Variants in R3HCC1L observed in about 807,000 individuals in gnomAD.
R3HCC1L encodes the protein coiled-coil domain-containing protein R3HCC1L.
R3HCC1L carries 51 observed loss-of-function variants against 59.9 expected under a neutral mutation model. The ratio of observed to expected loss-of-function variants is 0.85; its 90% CI spans 0.68 to 1.07. The LOEUF is 1.07. Ranked by LOEUF, R3HCC1L falls within the 50% of genes least tolerant of loss-of-function variation. R3HCC1L has a pLI of 0.00. For missense variants in R3HCC1L, 965 were observed against 933.0 expected (o/e 1.03, Z -0.45); for synonymous variants, 322 against 315.2 (o/e 1.02, Z -0.23).
At chr10:98,142,580 A>G (rs1845253112) in intron 1 of R3HCC1L, among the ~76,000 whole-genome samples, 1 of 151,318 alleles carries the variant, frequency 6.6e-6, no homozygotes, top group South Asian at 2.1e-4. Flanking sequence ...GGAGGTTGCA[A>G]TGAGTGGAGA....
chr10:98,207,921 G>T (rs995787104), intron 4 of R3HCC1L, among the ~76,000 whole-genome samples, 180 bp from the exon 5 acceptor site: 1 of 152,160 alleles, frequency 6.6e-6, no homozygotes, highest in African/African-American at 2.4e-5. Context: ...CTACTCAGGA[G>T]GCAGAGGTGG....
At chr10:98,219,216 C>G (rs184303085) in intron 5 of R3HCC1L, among the ~76,000 whole-genome samples, 61 of 152,244 alleles carry the variant, frequency 4.0e-4, no homozygotes, top group African/African-American at 1.4e-3. Context: ...CCAGCCAGGC[C>G]TTTTTAAAGT....
Position 98,163,374 on chromosome 10 carries a change from A to G in R3HCC1L, c.-38A>G. The G allele has an allele frequency of 2.2e-6, 3 of 1,340,682 alleles. No individual in the cohort carries two copies. The highest frequency in any genetic ancestry group is 3.0e-6 in the Non-Finnish European group (3 of 1,013,348). The allele number at this position is 1,340,682 out of a possible 1,614,324, so 83.0% of individuals were successfully genotyped here. A position where few individuals can be genotyped will look rare whatever the true frequency, so the allele number is the denominator to read the frequency against. On this transcript the variant is annotated 5_prime_UTR_variant, in exon 4 of 10. Coordinates refer to ENST00000298999, the MANE Select transcript of R3HCC1L (RefSeq NM_001351015.2). Reference sequence around the variant, plus strand: ...CGGCATGTTGTAGAGTTTTATTACTAAGAAAATAAATGTTACTTACATGGT... The same window carrying G: ...CGGCATGTTGTAGAGTTTTATTACTGAGAAAATAAATGTTACTTACATGGT...
intron 1 of R3HCC1L, among the ~76,000 whole-genome samples, chr10:98,148,056 C>T (rs1304451443): frequency 6.6e-6 from 1 of 152,032 alleles, no homozygotes; most frequent in Non-Finnish European, 1.5e-5. Flanking sequence ...AATATCTTTC[C>T]ATTTTTTGGT....
intron 1 of R3HCC1L, among the ~76,000 whole-genome samples, chr10:98,147,689 T>C (rs1224845118): frequency 1.3e-5 from 2 of 152,160 alleles, no homozygotes; most frequent in African/African-American, 4.8e-5. Context: ...TTTATGTTCT[T>C]GGTGCCTTTG....
chr10:98,153,953 A>G (rs1234185158), intron 1 of R3HCC1L, among the ~76,000 whole-genome samples: 2 of 152,302 alleles, frequency 1.3e-5, no homozygotes, highest in East Asian at 3.9e-4. Flanking sequence ...GCTTTTTCAC[A>G]TACATTGCAA....
intron 5 of R3HCC1L, among the ~76,000 whole-genome samples, chr10:98,228,880 G>T (rs1274683877): frequency 6.6e-6 from 1 of 152,202 alleles, no homozygotes; most frequent in Non-Finnish European, 1.5e-5. Flanking sequence ...GTTTGTCAAA[G>T]ATCAGATAGT....
At chr10:98,239,330 C>T (rs1857281799) in intron 9 of R3HCC1L, among the ~76,000 whole-genome samples, 2 of 152,150 alleles carry the variant, frequency 1.3e-5, no homozygotes, top group Non-Finnish European at 2.9e-5. Context: ...GACATTCTTT[C>T]TTGGTGAGTT....
chr10:98,216,744 T>A (rs781750929), intron 5 of R3HCC1L, among the ~76,000 whole-genome samples: 2 of 152,062 alleles, frequency 1.3e-5, no homozygotes, highest in Non-Finnish European at 2.9e-5. Context: ...GTCTAATTTT[T>A]AAAAAATTTA....
chr10:98,138,176 G>A (rs1254004394), intron 1 of R3HCC1L, among the ~76,000 whole-genome samples: 1 of 152,184 alleles, frequency 6.6e-6, no homozygotes, highest in East Asian at 1.9e-4. Context: ...CCAGATATCT[G>A]CAGATTCAGA....
intron 1 of R3HCC1L, among the ~76,000 whole-genome samples, chr10:98,141,230 T>G (rs542469741): frequency 3.3e-5 from 5 of 152,228 alleles, no homozygotes; most frequent in Non-Finnish European, 5.9e-5. Context: ...AACTACAGAC[T>G]ATATGTTATT....
chr10:98,220,369 T>TC (rs927530330), intron 5 of R3HCC1L, among the ~76,000 whole-genome samples: 2 of 130,504 alleles, frequency 1.5e-5, no homozygotes, highest in African/African-American at 5.2e-5. Flanking sequence ...GATTTCTTTT[T>TC]CTTTTTTTTT....
At chr10:98,203,165 C>T (rs1852234146) in intron 4 of R3HCC1L, among the ~76,000 whole-genome samples, 1 of 152,064 alleles carries the variant, frequency 6.6e-6, no homozygotes, top group African/African-American at 2.4e-5. Flanking sequence ...ATAGGAAATA[C>T]ATTATACTTT....
chr10:98,182,917 T>C (rs1043150762), intron 4 of R3HCC1L, among the ~76,000 whole-genome samples: 2 of 152,196 alleles, frequency 1.3e-5, no homozygotes, highest in African/African-American at 4.8e-5. Flanking sequence ...TGGGTGGCAG[T>C]GTCCCGATTC....
In R3HCC1L at chr10:98,231,610, C is replaced by T. The variant is rs764346144; in HGVS notation, c.1884C>T (p.Phe628=). Residue 628 remains phenylalanine, a synonymous_variant, in exon 6 of 10, where the codon TTC becomes TTT. Transcript: ENST00000298999. The stretch of plus-strand genomic sequence containing the variant: ...ATATTGACCTCAGTGATTGTGAATT[C>T]CCACATGTCATTGAAATTTATGACT... The part of the protein sequence containing the change: ...VPDIDLSDCE[F]PHVIEIYDFP... 2.5e-6 allele frequency: 4 copies of T among 1,612,214 alleles called. No homozygotes were observed. In the East Asian group the frequency reaches 8.9e-5, roughly 36 times the overall value.
chr10:98,183,908 A>G (rs1849919589), intron 4 of R3HCC1L, among the ~76,000 whole-genome samples: 1 of 145,826 alleles, frequency 6.9e-6, no homozygotes, highest in Middle Eastern at 3.4e-3. Context: ...TGATGGTTGT[A>G]TCCGAATCTG....
intron 1 of R3HCC1L, among the ~76,000 whole-genome samples, chr10:98,146,769 G>A (rs1038544614): frequency 6.6e-6 from 1 of 152,160 alleles, no homozygotes; most frequent in Non-Finnish European, 1.5e-5. Context: ...ATTCCACTGT[G>A]TATATGTACC....
At chr10:98,173,941 T>C (rs1287678997) in intron 4 of R3HCC1L, among the ~76,000 whole-genome samples, 1 of 152,170 alleles carries the variant, frequency 6.6e-6, no homozygotes, top group African/African-American at 2.4e-5. Flanking sequence ...GAGCTGCGTG[T>C]ATGTTGCTTT....
At chr10:98,176,335 T>C (rs1396638363) in intron 4 of R3HCC1L, among the ~76,000 whole-genome samples, 1 of 152,204 alleles carries the variant, frequency 6.6e-6, no homozygotes, top group Non-Finnish European at 1.5e-5. Flanking sequence ...GATTTAATTC[T>C]AAAGATCATT....
Sources: gnomAD v4.1 joint callset for allele counts (sites outside exome capture counted in the v4.1 genomes callset) on GRCh38, gnomAD v4.1.1 for gene constraint, MANE v1.5 for transcripts, NCBI Gene and HGNC (gene_info 2026-07-23, HGNC 2026-07-21) for gene names.